Variants in CUL4A observed in about 807,000 individuals in gnomAD.
CUL4A encodes the protein cullin-4A.
Under a neutral mutation model 95.5 loss-of-function variants are expected in CUL4A, and 16 were observed. The ratio of observed to expected loss-of-function variants is 0.17; its 90% CI spans 0.11 to 0.25. The LOEUF is 0.25. Ranked by LOEUF, CUL4A falls within the 10% of genes least tolerant of loss-of-function variation. The pLI, the probability that CUL4A is intolerant of heterozygous loss-of-function variation, is 1.00. For missense variants in CUL4A, 610 were observed against 937.0 expected (o/e 0.65, Z 4.56); for synonymous variants, 380 against 353.1 (o/e 1.08, Z -0.85).
intron 16 of CUL4A, 38 bp from the exon 17 acceptor site, chr13:113,254,655 G>A: frequency 7.5e-7 from 1 of 1,336,490 alleles, no homozygotes; most frequent in Non-Finnish European, 1.0e-6. Context: ...GATTGTACAT[G>A]CACAGCTTCA....
intron 18 of CUL4A, among the ~76,000 whole-genome samples, chr13:113,255,809 G>T (rs1453257178): frequency 6.6e-6 from 1 of 152,182 alleles, no homozygotes; most frequent in African/African-American, 2.4e-5. Context: ...CCTACTGAAG[G>T]ACATCTGGTT....
At chr13:113,208,501 C>T, upstream of CUL4A, 2 of 1,548,050 alleles carry the variant, frequency 1.3e-6, no homozygotes, top group South Asian at 1.2e-5. Flanking sequence ...GGTGGCGAGG[C>T]GGGAAAGGAA....
At chr13:113,235,001 A>G (rs981018743) in intron 7 of CUL4A, 62 bp from the exon 8 acceptor site, 12 of 1,239,078 alleles carry the variant, frequency 9.7e-6, no homozygotes, top group East Asian at 2.3e-5. Context: ...CAAAATCTCA[A>G]TTTCTTGGAT....
rs558532596 is a variant in CUL4A, at chr13:113,223,501, G to A, written c.368+4453G>A. 7.6e-4 allele frequency among the ~76,000 whole-genome samples: 116 copies of A among 152,286 alleles called. 1 individual carries two copies. Among genetic ancestry groups the A allele is most frequent in the African/African-American group, 2.8e-3 (115 of 41,560 alleles). On this transcript the variant is annotated intron_variant, in intron 3 of 19. Transcript: ENST00000375440. ...ACAACCTCCACTCCTGGGTTCAAGCGATTCTCTTGTCTCAGCCTCCCGAGT... is the reference window on the plus strand; with the variant it reads ...ACAACCTCCACTCCTGGGTTCAAGCAATTCTCTTGTCTCAGCCTCCCGAGT...
intron 2 of CUL4A, among the ~76,000 whole-genome samples, chr13:113,211,876 C>G (rs996888986): frequency 2.0e-5 from 3 of 152,188 alleles, no homozygotes; most frequent in Non-Finnish European, 2.9e-5. Context: ...CCTTTTGCGT[C>G]TCTCCCAGCA....
chr13:113,211,337 A>T (rs2040434782), intron 2 of CUL4A, among the ~76,000 whole-genome samples: 1 of 152,186 alleles, frequency 6.6e-6, no homozygotes, highest in Non-Finnish European at 1.5e-5. Flanking sequence ...CAGTTGTTTT[A>T]TCCATTCACC....
At chr13:113,208,453 C>T, upstream of CUL4A, 1 of 1,522,366 alleles carries the variant, frequency 6.6e-7, no homozygotes, top group African/African-American at 1.4e-5. Context: ...CGCTGTTCGG[C>T]TCGCGCGGCT....
At chr13:113,256,526 C>T (rs929743682) in intron 18 of CUL4A, among the ~76,000 whole-genome samples, 3 of 152,166 alleles carry the variant, frequency 2.0e-5, no homozygotes, top group Non-Finnish European at 4.4e-5. Flanking sequence ...TGTCTGCCCC[C>T]ACCTCCACCT....
At chr13:113,234,353 A>G (rs915772299) in intron 7 of CUL4A, among the ~76,000 whole-genome samples, 1 of 152,222 alleles carries the variant, frequency 6.6e-6, no homozygotes, top group Non-Finnish European at 1.5e-5. Flanking sequence ...TTTTCCCAAA[A>G]AAAGCTGTGC....
At chr13:113,252,141 A>G (rs1566367296) in intron 15 of CUL4A, among the ~76,000 whole-genome samples, 1 of 152,304 alleles carries the variant, frequency 6.6e-6, no homozygotes, top group South Asian at 2.1e-4. Flanking sequence ...AGGCATCCGG[A>G]AAACACGAGC....
intron 2 of CUL4A, among the ~76,000 whole-genome samples, chr13:113,214,032 A>G (rs1276876446): frequency 1.3e-5 from 2 of 152,234 alleles, no homozygotes; most frequent in African/African-American, 4.8e-5. Flanking sequence ...TTCAAAATAA[A>G]GTCTCAGTTT....
At chr13:113,257,708 A>G (rs1462753397) in intron 18 of CUL4A, among the ~76,000 whole-genome samples, 1 of 151,974 alleles carries the variant, frequency 6.6e-6, no homozygotes, top group Non-Finnish European at 1.5e-5. Flanking sequence ...TTGAGGGGAC[A>G]CATATTCAAA....
At chr13:113,245,287 T>C (rs1595408381) in intron 14 of CUL4A, 50 bp downstream of exon 14, 2 of 1,514,894 alleles carry the variant, frequency 1.3e-6, no homozygotes, top group Non-Finnish European at 1.8e-6. Flanking sequence ...TATCTGTTAG[T>C]GTGGTGGCTC....
intron 16 of CUL4A, 50 bp downstream of exon 16, chr13:113,253,245 TA>T (rs1470988015): frequency 4.0e-6 from 4 of 1,002,220 alleles, no homozygotes; most frequent in East Asian, 5.8e-5. Context: ...TATGTTAATA[TA>T]ATTTTTTTAT....
chr13:113,209,908 G>A (rs953445509), intron 1 of CUL4A, 65 bp from the exon 2 acceptor site: 16 of 1,327,672 alleles, frequency 1.2e-5, no homozygotes, highest in Non-Finnish European at 1.4e-5. Context: ...CGGCCGGGTC[G>A]GGGGTGGCTA....
intron 18 of CUL4A, among the ~76,000 whole-genome samples, chr13:113,255,508 AG>A: frequency 6.6e-6 from 1 of 152,068 alleles, no homozygotes; most frequent in East Asian, 1.9e-4. Context: ...CCACCATTAT[AG>A]GATCATACAG....
At position 113,265,019 on chromosome 13, in the gene CUL4A, A is replaced by T. The variant is rs1335985316; in HGVS notation, c.*1437A>T. The T allele has an allele frequency of 6.6e-6, 1 of 152,180 alleles. No individual in the cohort carries two copies. The highest frequency in any genetic ancestry group is 2.4e-5 in the African/African-American group (1 of 41,434). 9.4% of individuals were successfully genotyped at this position (152,180 alleles called of 1,614,324 possible). On this transcript the variant is annotated 3_prime_UTR_variant, in exon 20 of 20. Transcript: ENST00000375440. The stretch of plus-strand genomic sequence containing the variant: ...GTAATTTAATGTAGACTTACTTTGA[A>T]TAAAATTAGTTTAATTGGCCTTAAA...
chr13:113,259,136 T>G (rs2042206046), intron 18 of CUL4A, among the ~76,000 whole-genome samples: 1 of 152,272 alleles, frequency 6.6e-6, no homozygotes, highest in African/African-American at 2.4e-5. Flanking sequence ...GTTGATTTTC[T>G]TGGATTTTCC....
chr13:113,225,404 T>A (rs999073792), intron 3 of CUL4A, among the ~76,000 whole-genome samples: 2 of 152,250 alleles, frequency 1.3e-5, no homozygotes, highest in African/African-American at 4.8e-5. Context: ...TTTTTTTCTG[T>A]GGGAAATAAC....
Sources: gnomAD v4.1 joint callset for allele counts (sites outside exome capture counted in the v4.1 genomes callset) on GRCh38, gnomAD v4.1.1 for gene constraint, MANE v1.5 for transcripts, NCBI Gene and HGNC (gene_info 2026-07-23, HGNC 2026-07-21) for gene names.